RALGAPA2: variants seen among roughly 807,000 people sequenced by gnomAD.
The protein encoded by RALGAPA2 is Ral GTPase activating protein catalytic subunit alpha 2, also known as ral GTPase-activating protein subunit alpha-2.
RALGAPA2 carries 139 observed loss-of-function variants against 230.4 expected under a neutral mutation model. The observed-to-expected ratio is 0.60, with a 90% confidence interval of 0.53 to 0.69. The LOEUF (loss-of-function observed/expected upper bound fraction) is 0.69, where lower values mean the gene tolerates loss of function less well. RALGAPA2 is among the 30% of genes least tolerant of loss of function. RALGAPA2 has a pLI of 0.00. For missense variants in RALGAPA2, 2,163 were observed against 2,276.0 expected (o/e 0.95, Z 1.01); for synonymous variants, 847 against 837.8 (o/e 1.01, Z -0.19).
chr20:20,524,057 C>T (rs888464417), intron 30 of RALGAPA2, among the ~76,000 whole-genome samples: 4 of 152,166 alleles, frequency 2.6e-5, no homozygotes, highest in South Asian at 2.1e-4. Flanking sequence ...CCCAGGTTCA[C>T]GCCATTCTCC....
chr20:20,502,040 T>G (rs1210095652), intron 35 of RALGAPA2, among the ~76,000 whole-genome samples: 2 of 151,894 alleles, frequency 1.3e-5, no homozygotes, highest in African/African-American at 2.4e-5. Context: ...GATCACCATA[T>G]GAGATAATGA....
At chr20:20,535,872 G>T in intron 25 of RALGAPA2, 69 bp from the exon 26 acceptor site, 1 of 1,495,026 alleles carries the variant, frequency 6.7e-7, no homozygotes, top group Non-Finnish European at 8.9e-7. Flanking sequence ...TTCTGACCAT[G>T]TTCCAGGCAG....
At chr20:20,521,834 C>T (rs1385884453) in intron 30 of RALGAPA2, among the ~76,000 whole-genome samples, 3 of 152,030 alleles carry the variant, frequency 2.0e-5, no homozygotes, top group Non-Finnish European at 4.4e-5. Flanking sequence ...AAGAAAACAC[C>T]ATTGGGTTAA....
At chr20:20,396,602 C>T in intron 39 of RALGAPA2, 93 bp downstream of exon 39, 2 of 1,205,322 alleles carry the variant, frequency 1.7e-6, no homozygotes, top group South Asian at 3.0e-5. Flanking sequence ...AGCACTGATG[C>T]AGGGTCCGCT....
chr20:20,442,152 T>C (rs1186002783), intron 37 of RALGAPA2, among the ~76,000 whole-genome samples: 3 of 152,256 alleles, frequency 2.0e-5, no homozygotes, highest in African/African-American at 7.2e-5. Flanking sequence ...CTGAGAGATC[T>C]TGGGCAAGTC....
At chr20:20,578,678 C>A (rs1385608934) in intron 20 of RALGAPA2, among the ~76,000 whole-genome samples, 1 of 152,032 alleles carries the variant, frequency 6.6e-6, no homozygotes, top group South Asian at 2.1e-4. Context: ...AATGTAGCCT[C>A]GGTCTCTGAA....
At chr20:20,492,848 A>T (rs928466722) in intron 36 of RALGAPA2, among the ~76,000 whole-genome samples, 6 of 152,238 alleles carry the variant, frequency 3.9e-5, no homozygotes, top group Admixed American at 3.3e-4. Flanking sequence ...ATATTGCTTA[A>T]TTAATCAAGA....
chr20:20,681,523 C>A (rs1402900704), intron 1 of RALGAPA2, among the ~76,000 whole-genome samples: 1 of 152,278 alleles, frequency 6.6e-6, no homozygotes, highest in Non-Finnish European at 1.5e-5. Flanking sequence ...CTTCCAAGGG[C>A]CCCGATCAGC....
In RALGAPA2 at chr20:20,589,273, T is replaced by A. The variant is rs1252041188; in HGVS notation, c.2434A>T (p.Ile812Leu). Residue 812 changes from isoleucine (I) to leucine (L), a missense_variant, in exon 18 of 40, where the codon ATA becomes TTA. By Grantham distance (5) the Ile-to-Leu change is conservative. Transcript: ENST00000202677. ...KGHVKREHEG[I>L]TILVRRSSSP... ...ATGGCTTGAAAATATCTTACTGTTA[T>A]TCCTTCATGTTCTCTCTTCACATGT... is the stretch of plus-strand genomic sequence containing the variant. 6.4e-7 allele frequency: 1 copy of A among 1,567,440 alleles called. No homozygotes were observed. Among genetic ancestry groups the A allele is most frequent in the Non-Finnish European group, 8.7e-7 (1 of 1,154,534 alleles).
intron 37 of RALGAPA2, among the ~76,000 whole-genome samples, chr20:20,413,935 C>A (rs1018570254): frequency 6.6e-6 from 1 of 152,224 alleles, no homozygotes; most frequent in African/African-American, 2.4e-5. Flanking sequence ...TAGAGGGACC[C>A]ACTAATGCCA....
chr20:20,683,987 G>A (rs2068613168), intron 1 of RALGAPA2, among the ~76,000 whole-genome samples: 1 of 152,168 alleles, frequency 6.6e-6, no homozygotes, highest in Non-Finnish European at 1.5e-5. Context: ...CATGCAGAGT[G>A]CGCCACCTGT....
At chr20:20,532,920 A>G (rs1443695412) in intron 26 of RALGAPA2, among the ~76,000 whole-genome samples, 1 of 152,192 alleles carries the variant, frequency 6.6e-6, no homozygotes, top group East Asian at 1.9e-4. Context: ...ACGAGAGACT[A>G]GCTGCAGGCT....
chr20:20,514,818 C>T (rs1279517312), intron 31 of RALGAPA2, among the ~76,000 whole-genome samples: 1 of 152,240 alleles, frequency 6.6e-6, no homozygotes, highest in African/African-American at 2.4e-5. Flanking sequence ...GAGCCTTTTG[C>T]ACTCCAAGCC....
At chr20:20,491,846 GA>G (rs2062067563) in intron 36 of RALGAPA2, among the ~76,000 whole-genome samples, 1 of 150,392 alleles carries the variant, frequency 6.6e-6, no homozygotes, top group Admixed American at 6.6e-5. Context: ...TTTTTTAAAT[GA>G]AAAAAAGAAG....
In RALGAPA2 at chr20:20,390,818, C is replaced by G. The variant is rs534894721; in HGVS notation, c.*2471G>C. The G allele has an allele frequency of 5.3e-5, 8 of 152,178 alleles. No homozygotes were observed. Among genetic ancestry groups the G allele is most frequent in the Non-Finnish European group, 1.2e-4 (8 of 68,054 alleles). The allele number at this position is 152,178 out of a possible 1,614,324, so 9.4% of individuals were successfully genotyped here. A position where few individuals can be genotyped will look rare whatever the true frequency, so the allele number is the denominator to read the frequency against. On this transcript the variant is annotated 3_prime_UTR_variant, in exon 40 of 40. Coordinates refer to ENST00000202677, the MANE Select transcript of RALGAPA2 (RefSeq NM_020343.4). ...CCTGCTCCACGTTCCATCTCCAGACCAAAGCTGCTACTGAGAATGGCAGGC... is the reference window on the plus strand; with the variant it reads ...CCTGCTCCACGTTCCATCTCCAGACGAAAGCTGCTACTGAGAATGGCAGGC...
intron 5 of RALGAPA2, 56 bp from the exon 6 acceptor site, chr20:20,640,934 T>TCTCCTC: frequency 1.4e-6 from 2 of 1,437,138 alleles, no homozygotes; most frequent in Non-Finnish European, 1.9e-6. Flanking sequence ...AGAAATGCAT[T>TCTCCTC]ACAATGTAGC....
intron 9 of RALGAPA2, 142 bp downstream of exon 9, chr20:20,635,276 G>A (rs554558418): frequency 5.9e-4 from 496 of 839,486 alleles, no homozygotes; most frequent in Non-Finnish European, 5.8e-4. Flanking sequence ...TGGCATTACA[G>A]ACAGGGTAGG....
At chr20:20,586,401 T>G (rs183216730) in intron 18 of RALGAPA2, among the ~76,000 whole-genome samples, 25 of 152,308 alleles carry the variant, frequency 1.6e-4, no homozygotes, top group Middle Eastern at 6.8e-3. Flanking sequence ...TGTCATCAAT[T>G]TAGAAATCCA....
In RALGAPA2 at chr20:20,613,197, A is replaced by G. The variant is rs149801857; in HGVS notation, c.1689-1771T>C. 3.3e-5 allele frequency among the ~76,000 whole-genome samples: 5 copies of G among 152,322 alleles called. No individual in the cohort carries two copies. The East Asian group carries it at 9.7e-4, about 29-fold the overall frequency. On this transcript the variant is annotated intron_variant, in intron 13 of 39. Coordinates refer to ENST00000202677, the MANE Select transcript of RALGAPA2 (RefSeq NM_020343.4). ...TTTTGACAACTGCTTGTTCCTTTCTATTTTGTGAAGCACTGACTCCACCAA... is the reference window on the plus strand; with the variant it reads ...TTTTGACAACTGCTTGTTCCTTTCTGTTTTGTGAAGCACTGACTCCACCAA...
Sources: allele counts gnomAD v4.1 joint callset (sites outside exome capture counted in the v4.1 genomes callset), GRCh38; gene constraint gnomAD v4.1.1; transcripts MANE v1.5; gene names NCBI Gene and HGNC (gene_info 2026-07-23, HGNC 2026-07-21).